RNF125: variants seen among roughly 807,000 people sequenced by gnomAD.
The protein encoded by RNF125 is ring finger protein 125.
A neutral mutation model predicts 26.0 loss-of-function variants in RNF125; 21 were observed. The ratio of observed to expected loss-of-function variants is 0.81; its 90% CI spans 0.57 to 1.16. RNF125 has a LOEUF of 1.16. Among genes scored for constraint, RNF125 ranks in the 50% most tolerant of loss-of-function variants. The probability of loss-of-function intolerance (pLI) is 0.00; values close to 1 mark genes in which losing one functional copy is unlikely to be tolerated. For missense variants in RNF125, 270 were observed against 299.4 expected, an observed-to-expected ratio of 0.90 and a Z score of 0.72; for synonymous variants, 95 against 109.2, an observed-to-expected ratio of 0.87 and a Z score of 0.81.
chr18:32,085,882 G>C, the RNF125 span, among the ~76,000 whole-genome samples: 1 of 151,964 alleles, frequency 6.6e-6, no homozygotes, highest in African/African-American at 2.4e-5. Context: ...AACAAGGGCA[G>C]AACAGGGAAA....
intron 2 of RNF125, among the ~76,000 whole-genome samples, chr18:32,038,163 C>T (rs955009645): frequency 1.3e-5 from 2 of 151,550 alleles, no homozygotes; most frequent in South Asian, 4.2e-4. Context: ...ATTCTAATGC[C>T]TCAGCTTCCC....
chr18:32,037,288 C>T lies in RNF125; in HGVS notation c.318+19C>T. 6.6e-7 allele frequency: 1 copy of T among 1,510,672 alleles called. No individual in the cohort carries two copies. The highest frequency in any genetic ancestry group is 8.8e-7 in the Non-Finnish European group (1 of 1,130,548). 93.6% of individuals were successfully genotyped at this position (1,510,672 alleles called of 1,614,324 possible). A position where few individuals can be genotyped will look rare whatever the true frequency, so the allele number is the denominator to read the frequency against. On this transcript the variant is annotated intron_variant, in intron 2 of 5. Transcript: ENST00000217740. ...CACCCTGGTATGTATGTGACCCCACCTATTTTCATGGTTACCAGCTTAAGT... is the reference window on the plus strand; with the variant it reads ...CACCCTGGTATGTATGTGACCCCACTTATTTTCATGGTTACCAGCTTAAGT...
chr18:32,021,076 G>A (rs1342569348), intron 1 of RNF125, among the ~76,000 whole-genome samples: 2 of 152,198 alleles, frequency 1.3e-5, no homozygotes, highest in East Asian at 1.9e-4. Context: ...GCATTATTTC[G>A]TAGCTGTGTT....
At chr18:32,087,861 C>A in the RNF125 span, among the ~76,000 whole-genome samples, 1 of 152,104 alleles carries the variant, frequency 6.6e-6, no homozygotes, top group Non-Finnish European at 1.5e-5. Context: ...TTTAATTTTC[C>A]TGCACATTAT....
chr18:32,044,006 T>C (rs1031858023), intron 3 of RNF125, among the ~76,000 whole-genome samples: 16 of 151,802 alleles, frequency 1.1e-4, no homozygotes, highest in African/African-American at 3.9e-4. Flanking sequence ...TTTTTTTTCT[T>C]TTCTTTTCTT....
chr18:32,077,604 G>T (rs1027651033), downstream of RNF125, among the ~76,000 whole-genome samples: 2 of 151,388 alleles, frequency 1.3e-5, no homozygotes, highest in Non-Finnish European at 2.9e-5. Context: ...CAAGTGATCC[G>T]CCCACCTCGG....
chr18:32,046,448 T>A (rs1002191423), intron 4 of RNF125, among the ~76,000 whole-genome samples: 1 of 150,446 alleles, frequency 6.6e-6, no homozygotes, highest in African/African-American at 2.4e-5. Flanking sequence ...AATAAAAAAA[T>A]TAGCCAGGCG....
At chr18:32,026,473 C>G (rs576900441) in intron 1 of RNF125, among the ~76,000 whole-genome samples, 8 of 152,142 alleles carry the variant, frequency 5.3e-5, no homozygotes, top group African/African-American at 1.7e-4. Context: ...CTCCTGACCT[C>G]AGGTGATCTG....
chr18:32,082,626 C>CTT, the RNF125 span, among the ~76,000 whole-genome samples: 2 of 152,156 alleles, frequency 1.3e-5, no homozygotes, highest in African/African-American at 4.8e-5. Context: ...AACGGAAACT[C>CTT]TATGTGTGTA....
intron 1 of RNF125, among the ~76,000 whole-genome samples, chr18:32,031,627 T>C (rs1193603841): frequency 1.3e-5 from 2 of 151,998 alleles, no homozygotes; most frequent in Admixed American, 6.6e-5. Context: ...TAATTGTGAG[T>C]TGAGCATTTG....
chr18:32,028,589 T>C (rs1231996473), intron 1 of RNF125, among the ~76,000 whole-genome samples: 4 of 146,766 alleles, frequency 2.7e-5, no homozygotes, highest in African/African-American at 7.4e-5. Context: ...TTGTTTCCTT[T>C]TTTTTTTTTT....
intron 4 of RNF125, among the ~76,000 whole-genome samples, chr18:32,057,058 A>C (rs1568205895): frequency 6.6e-6 from 1 of 152,224 alleles, no homozygotes; most frequent in Non-Finnish European, 1.5e-5. Context: ...GAAGTTTTCC[A>C]GAATGGTAAC....
At position 32,073,196 on chromosome 18, in the gene RNF125, A is replaced by G. The variant is rs1334750500; in HGVS notation, c.*4812A>G. On this transcript the variant is annotated 3_prime_UTR_variant, in exon 6 of 6. Transcript: ENST00000217740. ...GACCATTGTTTTTATTAAAATATCT[A>G]CTGTGTCTATTCTTAAACATTAATC... 1 of 152,196 alleles carries G rather than the reference A, an allele frequency of 6.6e-6. No homozygotes were observed. Among genetic ancestry groups the G allele is most frequent in the Non-Finnish European group, 1.5e-5 (1 of 68,022 alleles). The allele number at this position is 152,196 out of a possible 1,614,324, so 9.4% of individuals were successfully genotyped here. A position where few individuals can be genotyped will look rare whatever the true frequency, so the allele number is the denominator to read the frequency against.
chr18:32,020,780 G>A (rs958863627), intron 1 of RNF125, among the ~76,000 whole-genome samples: 4 of 151,562 alleles, frequency 2.6e-5, no homozygotes, highest in Admixed American at 2.6e-4. Flanking sequence ...GTGGTGACCC[G>A]TGCCTGTAAT....
intron 1 of RNF125, among the ~76,000 whole-genome samples, chr18:32,033,645 A>C (rs2039121942): frequency 1.3e-5 from 2 of 151,996 alleles, no homozygotes; most frequent in African/African-American, 4.8e-5. Flanking sequence ...ACATGGAGAA[A>C]ACCCGTCTCT....
the RNF125 span, among the ~76,000 whole-genome samples, chr18:32,085,378 AGAG>A: frequency 1.0e-4 from 2 of 19,618 alleles, no homozygotes; most frequent in Non-Finnish European, 2.7e-4. Flanking sequence ...AGAAGCAGAG[AGAG>A]AGAGAGAGAG....
intron 5 of RNF125, among the ~76,000 whole-genome samples, chr18:32,066,341 C>T (rs188849573): frequency 5.3e-5 from 8 of 151,930 alleles, no homozygotes; most frequent in African/African-American, 1.9e-4. Flanking sequence ...CGCCTGTAGT[C>T]CCAGCTACTC....
intron 1 of RNF125, among the ~76,000 whole-genome samples, chr18:32,030,108 G>T (rs1308544820): frequency 1.3e-5 from 2 of 152,096 alleles, no homozygotes; most frequent in Non-Finnish European, 2.9e-5. Context: ...GCAGTGATGC[G>T]ATCTTGGCTC....
At chr18:32,025,416 C>A (rs1019553472) in intron 1 of RNF125, among the ~76,000 whole-genome samples, 1 of 151,938 alleles carries the variant, frequency 6.6e-6, no homozygotes, top group Non-Finnish European at 1.5e-5. Context: ...GTAATCCCAG[C>A]ATTTTGGGAG....
Sources: gnomAD v4.1 joint callset for allele counts (sites outside exome capture counted in the v4.1 genomes callset) on GRCh38, gnomAD v4.1.1 for gene constraint, MANE v1.5 for transcripts, NCBI Gene and HGNC (gene_info 2026-07-23, HGNC 2026-07-21) for gene names.